Variants in PCDH18 observed in about 807,000 individuals in gnomAD.
The protein encoded by PCDH18 is protocadherin-18.
In PCDH18, 38 loss-of-function variants were observed where a neutral mutation model predicts 71.5. That is an observed-to-expected ratio of 0.53 (90% CI 0.41 to 0.70). The LOEUF is 0.70. Among genes scored for constraint, PCDH18 ranks in the 30% least tolerant of loss-of-function variants. The pLI is 0.00. For missense variants in PCDH18, 1,334 were observed against 1,384.6 expected, an observed-to-expected ratio of 0.96 and a Z score of 0.58; for synonymous variants, 565 against 505.4, an observed-to-expected ratio of 1.12 and a Z score of -1.58.
chr4:137,530,959 G>A lies in PCDH18; in HGVS notation c.1130C>T (p.Thr377Ile), dbSNP rs760985103. 7 of 1,613,738 alleles carry A rather than the reference G, an allele frequency of 4.3e-6. No individual in the cohort carries two copies. In the South Asian group the frequency reaches 6.6e-5, roughly 15 times the overall value. Residue 377 changes from threonine to isoleucine, a missense_variant, in exon 1 of 4, where the codon ACA becomes ATA. Thr to Ile is a moderately conservative substitution (Grantham distance 89). This residue lies in a region of PCDH18 where 1,011 missense variants were observed against 1,048.0 expected (regional missense o/e 0.96). Coordinates refer to ENST00000344876, the MANE Select transcript of PCDH18 (RefSeq NM_019035.5). ...SYIFEGDPID[T>I]FVALVRVQDK... is the part of the protein sequence containing the mutation. ...CTGAACTCTGACCAAAGCAACAAAT[G>A]TATCAATAGGATCCCCTTCAAAAAT... is the stretch of plus-strand genomic sequence containing the variant.
intron 3 of PCDH18, among the ~76,000 whole-genome samples, chr4:137,526,084 C>T (rs954366380): frequency 2.2e-4 from 34 of 151,372 alleles, no homozygotes; most frequent in African/African-American, 8.0e-4. Flanking sequence ...TGCTAGAAAA[C>T]TTTCTTGCCA....
Position 137,531,621 on chromosome 4 carries a change from A to G in PCDH18, c.468T>C (p.Ile156=), listed in dbSNP as rs1731702002. The stretch of plus-strand genomic sequence containing the variant: ...CTGGATCAAATGCACTGTCCAGGGG[A>G]ATGCGAGTCCCAACTGCTGCACTCT... The part of the protein sequence containing the change: ...ISESAAVGTR[I]PLDSAFDPDV... Residue 156 remains isoleucine (I), a synonymous_variant, in exon 1 of 4, where the codon ATT becomes ATC. Transcript: ENST00000344876. 6.2e-7 allele frequency: 1 copy of G among 1,613,720 alleles called. No homozygotes were observed.
chr4:137,530,387 C>T lies in PCDH18; in HGVS notation c.1702G>A (p.Asp568Asn), dbSNP rs1446056995. 3 of 1,614,110 alleles carry T rather than the reference C, an allele frequency of 1.9e-6. No homozygotes were observed. The highest frequency in any genetic ancestry group is 3.3e-5 in the Admixed American group (2 of 60,020). ...ACCACAGGAACGTTGTCATTTTCGT[C>T]AATGATGGTGAGCACAACTGTGGTA... ...SNTTVVLTII[D>N]ENDNVPVVIG... Residue 568 changes from aspartate to asparagine, a missense_variant, in exon 1 of 4, where the codon GAC becomes AAC. By Grantham distance (23) the Asp-to-Asn change is conservative. Transcript: ENST00000344876.
chr4:137,529,799 T>C lies in PCDH18; in HGVS notation c.2290A>G (p.Thr764Ala), dbSNP rs767645848. 17 of 1,612,992 alleles carry C rather than the reference T, an allele frequency of 1.1e-5. No individual in the cohort carries two copies. The South Asian group carries it at 1.8e-4, about 17-fold the overall frequency. Reference protein sequence around the residue: ...IHKGDITLVPTINGTLPIRSH... With the variant: ...IHKGDITLVPAINGTLPIRSH... ...CTGATGGGCAGAGTGCCATTTATGG[T>C]AGGCACCAATGTGATGTCCCCTTTG... The change falls in exon 1 of 4, where the codon ACC (threonine) becomes GCC (alanine). Residue 764 changes from threonine (T) to alanine (A), a missense_variant. Thr to Ala is a moderately conservative substitution (Grantham distance 58). Around this residue, in one of 3 missense-constraint regions of PCDH18, gnomAD observed 1,011 missense variants for 1,048.0 expected, o/e 0.96. Transcript: ENST00000344876.
At chr4:137,528,345 A>T in intron 3 of PCDH18, 133 bp downstream of exon 3, 1 of 690,482 alleles carries the variant, frequency 1.4e-6, no homozygotes, top group Non-Finnish European at 2.5e-6. Context: ...TGATGAACAT[A>T]CTATAAAACA....
rs1731603300 is a variant in PCDH18 at position 137,529,860 on chromosome 4, G to GT, written c.2228dup (p.Tyr743Ter). 6.2e-7 allele frequency: 1 copy of GT among 1,613,348 alleles called. No homozygotes were observed. The part of the protein sequence containing the change: ...SYNCRVAEST[Y>*]QHHPKRPSRQ... Reference sequence around the variant, plus strand: ...GGGATGGCCTTTTTGGGTGGTGCTGGTAAGTTGATTCGGCCACCCTGCAGT... The same window carrying GT: ...GGGATGGCCTTTTTGGGTGGTGCTGGTTAAGTTGATTCGGCCACCCTGCAGT... Residue 743 changes from tyrosine to a stop codon, truncating the protein, a stop_gained and frameshift_variant, in exon 1 of 4, where the codon TAC (tyrosine) becomes TAAC (stop). Coordinates refer to ENST00000344876, the MANE Select transcript of PCDH18 (RefSeq NM_019035.5). LOFTEE classifies it high-confidence loss of function.
At chr4:137,529,461 C>T in intron 1 of PCDH18, 141 bp downstream of exon 1, 1 of 572,886 alleles carries the variant, frequency 1.7e-6, no homozygotes, top group Non-Finnish European at 3.0e-6. Context: ...GCTACATATT[C>T]ACAATGTAAC....
Position 137,519,066 on chromosome 4 carries a change from A to C in PCDH18, c.*1963T>G, listed in dbSNP as rs1247346220. The C allele has an allele frequency of 6.6e-6, 1 of 152,206 alleles. No homozygotes were observed. Among genetic ancestry groups the C allele is most frequent in the Non-Finnish European group, 1.5e-5 (1 of 68,042 alleles). The allele number at this position is 152,206 out of a possible 1,614,324, so 9.4% of individuals were successfully genotyped here. A position where few individuals can be genotyped will look rare whatever the true frequency, so the allele number is the denominator to read the frequency against. ...TTTTCTTAATGGTAATATATACTGA[A>C]AGGAAGTGAAGTTGAAAGGCAGAAT... On this transcript the variant is annotated 3_prime_UTR_variant, in exon 4 of 4. Transcript: ENST00000344876.
chr4:137,527,573 A>T (rs773810612), intron 3 of PCDH18, among the ~76,000 whole-genome samples: 1 of 152,110 alleles, frequency 6.6e-6, no homozygotes, highest in Non-Finnish European at 1.5e-5. Flanking sequence ...ACTTATCTGT[A>T]TTCAAAAATA....
chr4:137,530,858 A>G lies in PCDH18; in HGVS notation c.1231T>C (p.Tyr411His). The stretch of plus-strand genomic sequence containing the variant: ...GTTAAGATTAAATAATTGTTTTCAT[A>G]TGTCTTCTGAAGTTTAAAGTGACCA... Reference protein sequence around the residue: ...GHGHFKLQKTYENNYLILTNA... With the variant: ...GHGHFKLQKTHENNYLILTNA... Residue 411 changes from tyrosine to histidine, a missense_variant, in exon 1 of 4, where the codon TAT becomes CAT. Around this residue, in one of 3 missense-constraint regions of PCDH18, gnomAD observed 1,011 missense variants for 1,048.0 expected, o/e 0.96. Coordinates refer to ENST00000344876, the MANE Select transcript of PCDH18 (RefSeq NM_019035.5). 1 of 1,609,578 alleles carries G rather than the reference A, an allele frequency of 6.2e-7. No individual in the cohort carries two copies. The highest frequency in any genetic ancestry group is 8.5e-7 in the Non-Finnish European group (1 of 1,177,482).
At position 137,531,492 on chromosome 4, in the gene PCDH18, T is replaced by C. The variant is rs1219506735; in HGVS notation, c.597A>G (p.Ile199Met). ...GCTCCCGATCTAACTCTCTGACCAC[T>C]ATGAGTTCTGCATACTTGGCTCCAT... is the stretch of plus-strand genomic sequence containing the variant. The part of the protein sequence containing the change: ...RTDGAKYAEL[I>M]VVRELDRELK... Residue 199 changes from isoleucine (I) to methionine (M), a missense_variant, in exon 1 of 4, where the codon ATA becomes ATG. Physicochemically the swap from Ile to Met is conservative, Grantham distance 10. Transcript: ENST00000344876. 6.2e-7 allele frequency: 1 copy of C among 1,613,882 alleles called. No individual in the cohort carries two copies. The highest frequency in any genetic ancestry group is 1.3e-5 in the African/African-American group (1 of 74,926).
intron 1 of PCDH18, 56 bp from the exon 2 acceptor site, chr4:137,528,876 A>T: frequency 8.6e-7 from 1 of 1,157,156 alleles, no homozygotes; most frequent in South Asian, 1.2e-5. Context: ...AACACTCACA[A>T]TCTTTAAGCA....
chr4:137,525,096 A>G (rs886412017), intron 3 of PCDH18, among the ~76,000 whole-genome samples: 5 of 152,198 alleles, frequency 3.3e-5, no homozygotes, highest in Non-Finnish European at 7.4e-5. Context: ...AAACGGCTGT[A>G]TAAATCATCC....
rs755994781 is a variant in PCDH18 at position 137,531,812 on chromosome 4, C to T, written c.277G>A (p.Asp93Asn). The stretch of plus-strand genomic sequence containing the variant: ...TTTTTCTGGCACAGTTGTTCACGGT[C>T]AATTGTAGCCCCTATGCTGATTTCC... ...NGEISIGATI[D>N]REQLCQKNLN... The change falls in exon 1 of 4, where the codon GAC becomes AAC. Residue 93 changes from aspartate (D) to asparagine (N), a missense_variant. By Grantham distance (23) the Asp-to-Asn change is conservative. Around this residue, in one of 3 missense-constraint regions of PCDH18, gnomAD observed 1,011 missense variants for 1,048.0 expected, o/e 0.96. Transcript: ENST00000344876. 1.4e-5 allele frequency: 22 copies of T among 1,614,076 alleles called. No homozygotes were observed. The East Asian group carries it at 4.7e-4, about 34-fold the overall frequency.
At position 137,531,992 on chromosome 4, in the gene PCDH18, T is replaced by G. The variant is rs763753454; in HGVS notation, c.97A>C (p.Arg33=). 4 of 1,614,012 alleles carry G rather than the reference T, an allele frequency of 2.5e-6. No individual in the cohort carries two copies. The highest frequency in any genetic ancestry group is 2.5e-6 in the Non-Finnish European group (3 of 1,179,890). Residue 33 remains arginine (R), a synonymous_variant, in exon 1 of 4, where the codon AGG becomes CGG. Transcript: ENST00000344876. ...HDVLGKNLKY[R]IYEEQRVGSV... ...CCAACCCTCTGTTCCTCATAAATCC[T>G]GTATTTCAAATTCTTGCCCAGTACA...
chr4:137,530,674 A>T lies in PCDH18; in HGVS notation c.1415T>A (p.Phe472Tyr), dbSNP rs1356383313. ...TGGTGAGTTATTTTCTGAAATTACA[A>T]ATTCATATCGGCTTCTCTGGAAGTG... ...PPHFQRSRYE[F>Y]VISENNSPGA... The change falls in exon 1 of 4, where the codon TTT becomes TAT. Residue 472 changes from phenylalanine to tyrosine, a missense_variant. Coordinates refer to ENST00000344876, the MANE Select transcript of PCDH18 (RefSeq NM_019035.5). 10 of 1,612,940 alleles carry T rather than the reference A, an allele frequency of 6.2e-6. No homozygotes were observed. Among genetic ancestry groups the T allele is most frequent in the Non-Finnish European group, 8.5e-6 (10 of 1,179,570 alleles).
rs1031924456 is a variant in PCDH18 at position 137,531,313 on chromosome 4, G to A, written c.776C>T (p.Ser259Phe). ...QSYIIQLLEN[S>F]PVGTLLLDLN... ...ATCTAAGAGCAAAGTGCCAACCGGGGAGTTTTCTAAGAGTTGTATTATATA... is the reference window on the plus strand; with the variant it reads ...ATCTAAGAGCAAAGTGCCAACCGGGAAGTTTTCTAAGAGTTGTATTATATA... Residue 259 changes from serine to phenylalanine, a missense_variant, in exon 1 of 4, where the codon TCC (serine) becomes TTC (phenylalanine). This residue lies in a region of PCDH18 where 1,011 missense variants were observed against 1,048.0 expected (regional missense o/e 0.96). Coordinates refer to ENST00000344876, the MANE Select transcript of PCDH18 (RefSeq NM_019035.5). 3.7e-6 allele frequency: 6 copies of A among 1,614,076 alleles called. No homozygotes were observed. Among genetic ancestry groups the A allele is most frequent in the East Asian group, 2.2e-5 (1 of 44,858 alleles).
intron 3 of PCDH18, among the ~76,000 whole-genome samples, chr4:137,528,136 CAA>C (rs1474427949): frequency 6.6e-6 from 1 of 152,054 alleles, no homozygotes; most frequent in Non-Finnish European, 1.5e-5. Context: ...AATAATTTTG[CAA>C]AGAGTTACAC....
chr4:137,529,416 A>T, intron 1 of PCDH18, 186 bp downstream of exon 1: 2 of 472,372 alleles, frequency 4.2e-6, no homozygotes, highest in Non-Finnish European at 7.5e-6. Context: ...TTACTTAAGG[A>T]AAACTAAAAA....
Sources: gnomAD v4.1 joint callset for allele counts (sites outside exome capture counted in the v4.1 genomes callset) on GRCh38, gnomAD v4.1.1 for gene constraint, gnomAD v4.1.1 regional missense constraint, MANE v1.5 for transcripts, NCBI Gene and HGNC (gene_info 2026-07-23, HGNC 2026-07-21) for gene names.